SFXN1: variants seen among roughly 807,000 people sequenced by gnomAD.
The protein encoded by SFXN1 is sideroflexin-1.
SFXN1 carries 32 observed loss-of-function variants against 39.5 expected under a neutral mutation model. That is an observed-to-expected ratio of 0.81 (90% CI 0.61 to 1.09). SFXN1 has a LOEUF of 1.09. Ranked by LOEUF, SFXN1 falls within the 50% of genes least tolerant of loss-of-function variation. The probability of loss-of-function intolerance (pLI) is 0.00; values close to 1 mark genes in which losing one functional copy is unlikely to be tolerated. For synonymous variants in SFXN1, 136 were observed against 146.5 expected (o/e 0.93, Z 0.52); for missense variants, 402 against 407.1 (o/e 0.99, Z 0.11).
chr5:175,512,025 TCAGAG>T, intron 5 of SFXN1, 81 bp from the exon 6 acceptor site: 1 of 1,264,002 alleles, frequency 7.9e-7, no homozygotes, highest in Non-Finnish European at 1.1e-6. Flanking sequence ...TCTGCATTTT[TCAGAG>T]TTTTCAAGAA....
rs185914468 is a variant in SFXN1, at chr5:175,508,281, A to G, written c.165-751A>G. On this transcript the variant is annotated intron_variant, in intron 2 of 10. Coordinates refer to ENST00000321442, the MANE Select transcript of SFXN1 (RefSeq NM_022754.7). ...TCTTTCTCTGCCCAGGCTGGAGTAC[A>G]GTGGTATGATGACTGCTCACTGCAG... Among the ~76,000 whole-genome samples, 75 of 129,956 alleles carry G rather than the reference A, an allele frequency of 5.8e-4. No individual in the cohort carries two copies. The East Asian group carries it at 0.013, about 23-fold the overall frequency. The allele number at this position is 129,956 out of a possible 152,430, so 85.3% of individuals were successfully genotyped here.
In SFXN1 at chr5:175,527,718, T is replaced by A. The variant is rs775314261; in HGVS notation, c.*984T>A. 6.6e-6 allele frequency: 1 copy of A among 152,066 alleles called. No individual in the cohort carries two copies. Among genetic ancestry groups the A allele is most frequent in the East Asian group, 1.9e-4 (1 of 5,196 alleles). The allele number at this position is 152,066 out of a possible 1,614,324, so 9.4% of individuals were successfully genotyped here. A position where few individuals can be genotyped will look rare whatever the true frequency, so the allele number is the denominator to read the frequency against. ...AGTCACAATGAATTTTACTTGAATA[T>A]TGTATGTTGCATTCCACTTCATTTG... On this transcript the variant is annotated 3_prime_UTR_variant, in exon 11 of 11. Coordinates refer to ENST00000321442, the MANE Select transcript of SFXN1 (RefSeq NM_022754.7).
chr5:175,516,984 A>G (rs1442483635), intron 8 of SFXN1, among the ~76,000 whole-genome samples: 1 of 152,198 alleles, frequency 6.6e-6, no homozygotes, highest in Non-Finnish European at 1.5e-5. Context: ...TAGTCATCCT[A>G]TCAGGAATGA....
chr5:175,480,532 C>T (rs954004974), intron 1 of SFXN1, among the ~76,000 whole-genome samples: 6 of 152,180 alleles, frequency 3.9e-5, no homozygotes, highest in African/African-American at 1.4e-4. Flanking sequence ...TCTGTGGTTA[C>T]AGTTGTCAGA....
At chr5:175,491,833 C>T in intron 1 of SFXN1, 1 of 293,570 alleles carries the variant, frequency 3.4e-6, no homozygotes, top group Non-Finnish European at 6.2e-6. Context: ...TCTAGGTATC[C>T]AACAAGTAAA....
chr5:175,525,402 C>A (rs562522455), intron 10 of SFXN1, among the ~76,000 whole-genome samples: 68 of 152,280 alleles, frequency 4.5e-4, no homozygotes, highest in Non-Finnish European at 8.1e-4. Flanking sequence ...TAAGTCATAG[C>A]CATTATCATT....
rs986468440 is a variant in SFXN1, at chr5:175,491,216, A to G, written c.-9-879A>G. The stretch of plus-strand genomic sequence containing the variant: ...TTACTCCTATTCATGGGACTGTGCA[A>G]CTGTGTTTTTCCTGCTATGTTCCTG... On this transcript the variant is annotated intron_variant, in intron 1 of 10. Transcript: ENST00000321442. 2.0e-5 allele frequency among the ~76,000 whole-genome samples: 3 copies of G among 152,350 alleles called. No homozygotes were observed. In the East Asian group the frequency reaches 5.8e-4, roughly 29 times the overall value.
At chr5:175,514,981 G>A (rs985686578) in intron 7 of SFXN1, among the ~76,000 whole-genome samples, 4 of 152,202 alleles carry the variant, frequency 2.6e-5, no homozygotes, top group Non-Finnish European at 5.9e-5. Flanking sequence ...AATCGAGGTT[G>A]CGGCTCCAGC....
chr5:175,519,319 G>T (rs992051627), intron 8 of SFXN1, among the ~76,000 whole-genome samples: 3 of 152,190 alleles, frequency 2.0e-5, no homozygotes, highest in Admixed American at 6.5e-5. Flanking sequence ...AACAGATGCT[G>T]CCCTATGATC....
chr5:175,513,130 G>A (rs552628184), intron 6 of SFXN1, among the ~76,000 whole-genome samples: 53 of 151,736 alleles, frequency 3.5e-4, no homozygotes, highest in South Asian at 1.7e-3. Context: ...GCAAAACCCC[G>A]TCTCTACTAA....
chr5:175,513,354 G>T, intron 6 of SFXN1, 109 bp from the exon 7 acceptor site: 5 of 925,424 alleles, frequency 5.4e-6, no homozygotes, highest in Non-Finnish European at 7.8e-6. Context: ...AATGACACTT[G>T]AGTGGGTATT....
intron 2 of SFXN1, among the ~76,000 whole-genome samples, chr5:175,492,815 G>A (rs764920194): frequency 2.0e-5 from 3 of 152,094 alleles, no homozygotes; most frequent in African/African-American, 7.2e-5. Flanking sequence ...AGATGCTACC[G>A]GTGTAGAGAT....
Position 175,495,947 on chromosome 5 carries a change from C to T in SFXN1, c.164+3680C>T, listed in dbSNP as rs532700234. Among the ~76,000 whole-genome samples, 236 of 146,292 alleles carry T rather than the reference C, an allele frequency of 1.6e-3. 1 individual carries two copies. Among genetic ancestry groups the T allele is most frequent in the Middle Eastern group, 7.1e-3 (2 of 280 alleles). On this transcript the variant is annotated intron_variant, in intron 2 of 10. Transcript: ENST00000321442. ...CGGAGTTTCGCTCTTGTTGCCCAGG[C>T]TGGAGTGTAGTGGCGCAATCTCGGC...
In SFXN1 at chr5:175,528,426, A is replaced by G. The variant is rs1443841682; in HGVS notation, c.*1692A>G. Reference sequence around the variant, plus strand: ...ATCAGGAACTTGAGCATCTGCAGATATTGGTATCGGAGGGCGGTCCTGGAA... The same window carrying G: ...ATCAGGAACTTGAGCATCTGCAGATGTTGGTATCGGAGGGCGGTCCTGGAA... On this transcript the variant is annotated 3_prime_UTR_variant, in exon 11 of 11. Coordinates refer to ENST00000321442, the MANE Select transcript of SFXN1 (RefSeq NM_022754.7). 1 of 152,192 alleles carries G rather than the reference A, an allele frequency of 6.6e-6. No individual in the cohort carries two copies. Among genetic ancestry groups the G allele is most frequent in the Non-Finnish European group, 1.5e-5 (1 of 68,068 alleles). 9.4% of individuals were successfully genotyped at this position (152,192 alleles called of 1,614,324 possible). A position where few individuals can be genotyped will look rare whatever the true frequency, so the allele number is the denominator to read the frequency against.
intron 8 of SFXN1, 137 bp from the exon 9 acceptor site, chr5:175,521,782 C>T: frequency 1.6e-6 from 1 of 641,764 alleles, no homozygotes; most frequent in South Asian, 2.8e-5. Context: ...CTTGTTGCAG[C>T]ATTTCCCCCA....
rs917746934 is a variant in SFXN1 at position 175,526,833 on chromosome 5, G to A, written c.*99G>A. Reference sequence around the variant, plus strand: ...GTTCAACCTGGGTTCTCCCAGTTACGGAAACCTTTTAAAGATCCACATTAG... The same window carrying A: ...GTTCAACCTGGGTTCTCCCAGTTACAGAAACCTTTTAAAGATCCACATTAG... On this transcript the variant is annotated 3_prime_UTR_variant, in exon 11 of 11. Coordinates refer to ENST00000321442, the MANE Select transcript of SFXN1 (RefSeq NM_022754.7). The A allele has an allele frequency of 9.2e-6, 9 of 983,084 alleles. No homozygotes were observed. The highest frequency in any genetic ancestry group is 1.9e-5 in the Admixed American group (1 of 52,346). The allele number at this position is 983,084 out of a possible 1,614,324, so 60.9% of individuals were successfully genotyped here.
chr5:175,512,291 A>T (rs1760549597), intron 6 of SFXN1, 95 bp downstream of exon 6: 1 of 1,083,898 alleles, frequency 9.2e-7, no homozygotes, highest in Non-Finnish European at 1.4e-6. Flanking sequence ...TGCTTGTTTT[A>T]ATATGTATAG....
At chr5:175,524,634 C>G (rs1438524059) in intron 10 of SFXN1, among the ~76,000 whole-genome samples, 1 of 139,968 alleles carries the variant, frequency 7.1e-6, no homozygotes, top group Non-Finnish European at 1.6e-5. Flanking sequence ...AAAAAAAGCA[C>G]AAAAGAATAA....
chr5:175,512,438 T>C (rs1760555083), intron 6 of SFXN1, among the ~76,000 whole-genome samples: 1 of 152,212 alleles, frequency 6.6e-6, no homozygotes. Flanking sequence ...AGGGGGCTGA[T>C]GCTGGAATAG....
Sources: gnomAD v4.1 joint callset for allele counts (sites outside exome capture counted in the v4.1 genomes callset) on GRCh38, gnomAD v4.1.1 for gene constraint, MANE v1.5 for transcripts, NCBI Gene and HGNC (gene_info 2026-07-23, HGNC 2026-07-21) for gene names.